Variants in FGFR1 observed in about 807,000 individuals in gnomAD.
FGFR1 encodes fibroblast growth factor receptor 1, also known as FGFR1/PLAG1 fusion.
A neutral mutation model predicts 93.7 loss-of-function variants in FGFR1; 18 were observed. That is an observed-to-expected ratio of 0.19 (90% CI 0.13 to 0.28). FGFR1 has a LOEUF of 0.28. Ranked by LOEUF, FGFR1 falls within the 10% of genes least tolerant of loss-of-function variation. The probability of loss-of-function intolerance (pLI) is 1.00; values close to 1 mark genes in which losing one functional copy is unlikely to be tolerated. For synonymous variants in FGFR1, 448 were observed against 429.3 expected, an observed-to-expected ratio of 1.04 and a Z score of -0.54; for missense variants, 731 against 1,080.4, an observed-to-expected ratio of 0.68 and a Z score of 4.53.
At position 38,468,398 on chromosome 8, in the gene FGFR1, G is replaced by A; in HGVS notation, c.-506C>T. On this transcript the variant is annotated 5_prime_UTR_variant, in exon 1 of 18. Coordinates refer to ENST00000447712, the MANE Select transcript of FGFR1 (RefSeq NM_023110.3). ...CGGGGCGCCCCGAGCTCGGACCGGA[G>A]AAAAGTCCTTGGGTTCCGCGGCTTT... 1 of 228,558 alleles carries A rather than the reference G, an allele frequency of 4.4e-6. No individual in the cohort carries two copies. Among genetic ancestry groups the A allele is most frequent in the Non-Finnish European group, 8.7e-6 (1 of 114,810 alleles). The allele number at this position is 228,558 out of a possible 1,614,324, so 14.2% of individuals were successfully genotyped here.
intron 2 of FGFR1, among the ~76,000 whole-genome samples, chr8:38,432,728 G>A (rs1586429206): frequency 1.3e-5 from 2 of 152,136 alleles, no homozygotes; most frequent in African/African-American, 4.8e-5. Context: ...CCCTGGGGCT[G>A]CAGCTCAGAC....
rs1819935194 is a variant in FGFR1, at chr8:38,424,324, T to C, written c.936+185A>G. On this transcript the variant is annotated intron_variant, in intron 7 of 17. Coordinates refer to ENST00000447712, the MANE Select transcript of FGFR1 (RefSeq NM_023110.3). This position sits in a 1 kb window ranked among gnomAD's most constrained non-coding sequence, Gnocchi z 4.3. ...CCTCTGTTCCCAGCTCACCTCCACT[T>C]TGTGACCTCTGTTACTAGTCCTGGG... 2 of 749,520 alleles carry C rather than the reference T, an allele frequency of 2.7e-6. No individual in the cohort carries two copies. The highest frequency in any genetic ancestry group is 1.7e-5 in the African/African-American group (1 of 57,816). 46.4% of individuals were successfully genotyped at this position (749,520 alleles called of 1,614,324 possible). A position where few individuals can be genotyped will look rare whatever the true frequency, so the allele number is the denominator to read the frequency against.
intron 2 of FGFR1, among the ~76,000 whole-genome samples, chr8:38,447,377 C>A (rs921073663): frequency 6.6e-6 from 1 of 152,156 alleles, no homozygotes; most frequent in Non-Finnish European, 1.5e-5. Flanking sequence ...GTTACTTAAC[C>A]CCTCAAACCT....
At position 38,411,950 on chromosome 8, in the gene FGFR1, T is replaced by A. The variant is rs928274860; in HGVS notation, c.*1678A>T. ...CAAGAAACGAAGCCAGGGACCTGAA[T>A]GCAAAACTAGCCTCAGGTGACATGT... On this transcript the variant is annotated 3_prime_UTR_variant, in exon 18 of 18. Transcript: ENST00000447712. The A allele has an allele frequency of 2.2e-5, 5 of 231,108 alleles. No individual in the cohort carries two copies. The highest frequency in any genetic ancestry group is 1.1e-4 in the African/African-American group (5 of 45,196). The allele number at this position is 231,108 out of a possible 1,614,324, so 14.3% of individuals were successfully genotyped here. A position where few individuals can be genotyped will look rare whatever the true frequency, so the allele number is the denominator to read the frequency against.
chr8:38,460,665 G>C (rs748528189), intron 1 of FGFR1, among the ~76,000 whole-genome samples: 28 of 152,070 alleles, frequency 1.8e-4, no homozygotes, highest in Admixed American at 5.2e-4. Flanking sequence ...CCTCAAGTTT[G>C]ACATCTGTAA....
intron 1 of FGFR1, among the ~76,000 whole-genome samples, chr8:38,467,440 G>T (rs1420363542): frequency 6.6e-6 from 1 of 152,134 alleles, no homozygotes; most frequent in African/African-American, 2.4e-5. Flanking sequence ...TTTCCCGGGG[G>T]TGGAAAAGGA....
At chr8:38,422,335 C>T (rs1261538982) in intron 7 of FGFR1, 6 of 436,646 alleles carry the variant, frequency 1.4e-5, no homozygotes, top group African/African-American at 9.8e-5. Flanking sequence ...CACACACATG[C>T]ACACGCATAC....
At position 38,446,055 on chromosome 8, in the gene FGFR1, GTGATAA is replaced by G. The variant is rs1432356748; in HGVS notation, c.91+11295_91+11300del. 2.0e-5 allele frequency among the ~76,000 whole-genome samples: 3 copies of G among 152,170 alleles called. No homozygotes were observed. The East Asian group carries it at 5.8e-4, about 29-fold the overall frequency. On this transcript the variant is annotated intron_variant, in intron 2 of 17. Coordinates refer to ENST00000447712, the MANE Select transcript of FGFR1 (RefSeq NM_023110.3). The stretch of plus-strand genomic sequence containing the variant: ...AGTGCTGATAAGCATTCTAAAGGCA[GTGATAA>G]TTGACTGAAAGCTGTGGCAGAGCAG...
At chr8:38,414,698 T>TG (rs1407896538) in intron 14 of FGFR1, 69 bp from the exon 15 acceptor site, 15 of 1,613,208 alleles carry the variant, frequency 9.3e-6, no homozygotes, top group African/African-American at 1.3e-5. Flanking sequence ...GGGAAGGGAC[T>TG]GGGGGGTGGG....
Position 38,457,341 on chromosome 8 carries a change from C to G in FGFR1, c.91+15G>C, listed in dbSNP as rs746109640. On this transcript the variant is annotated intron_variant, in intron 2 of 17. Transcript: ENST00000447712. ...AAGGCCCAGGAGTCCAGGCTGCCCCCAGCCAGCACCTTACCTTGTTCAGGC... is the reference window on the plus strand; with the variant it reads ...AAGGCCCAGGAGTCCAGGCTGCCCCGAGCCAGCACCTTACCTTGTTCAGGC... The G allele has an allele frequency of 6.2e-7, 1 of 1,611,042 alleles. No homozygotes were observed.
chr8:38,418,398 T>C lies in FGFR1; in HGVS notation c.1285-25A>G, dbSNP rs1174345881. The C allele has an allele frequency of 1.9e-6, 3 of 1,610,204 alleles. No homozygotes were observed. The South Asian group carries it at 3.3e-5, about 18-fold the overall frequency. On this transcript the variant is annotated intron_variant, in intron 9 of 17. Transcript: ENST00000447712. ...CCTGCAAGGAAGAGTGGGGTCACCC[T>C]AGAGCAAGGAGGGGGGACGGGGTGA...
At chr8:38,460,574 C>T (rs1026696732) in intron 1 of FGFR1, among the ~76,000 whole-genome samples, 8 of 152,204 alleles carry the variant, frequency 5.3e-5, no homozygotes, top group Non-Finnish European at 1.2e-4. Flanking sequence ...GGTCAATGCA[C>T]TTCAAATTCA....
intron 13 of FGFR1, 122 bp from the exon 14 acceptor site, chr8:38,415,023 C>T: frequency 2.7e-6 from 2 of 750,408 alleles, no homozygotes; most frequent in East Asian, 2.7e-5. Flanking sequence ...CTGCTCTGCC[C>T]CCCGAACCTT....
rs760482375 is a variant in FGFR1, at chr8:38,418,210, G to A, written c.1430+18C>T. 1.9e-6 allele frequency: 3 copies of A among 1,614,168 alleles called. No homozygotes were observed. The highest frequency in any genetic ancestry group is 2.2e-5 in the South Asian group (2 of 91,082). On this transcript the variant is annotated intron_variant, in intron 10 of 17. Transcript: ENST00000447712. ...GCAAGGAATGCCTTCAAAAAGTTGG[G>A]AGTCAAAGTATTATTACCTGTCCCG...
Position 38,431,384 on chromosome 8 carries a change from T to C in FGFR1, c.92-1436A>G, listed in dbSNP as rs75430642. Among the ~76,000 whole-genome samples the C allele has an allele frequency of 5.9e-3, 903 of 152,312 alleles. 16 individuals carry two copies. Among genetic ancestry groups the C allele is most frequent in the African/African-American group, 0.021 (852 of 41,558 alleles). On this transcript the variant is annotated intron_variant, in intron 2 of 17. Transcript: ENST00000447712. ...TGAACCTGAGTGCGGTGATGTGTCATCGGTACCTTTAAATCCCCAGCACCT... is the reference window on the plus strand; with the variant it reads ...TGAACCTGAGTGCGGTGATGTGTCACCGGTACCTTTAAATCCCCAGCACCT...
chr8:38,448,370 C>G (rs945556884), intron 2 of FGFR1, among the ~76,000 whole-genome samples: 1 of 151,096 alleles, frequency 6.6e-6, no homozygotes, highest in African/African-American at 2.4e-5. Flanking sequence ...ACTTCCGCCT[C>G]GCGGGTTCAA....
chr8:38,423,967 G>GCC (rs1819772798), intron 7 of FGFR1: 1 of 194,614 alleles, frequency 5.1e-6, no homozygotes, highest in East Asian at 1.3e-4. Context: ...CTGGATTAAT[G>GCC]GAGCATTCAG....
Position 38,424,312 on chromosome 8 carries a change from C to G in FGFR1, c.936+197G>C. On this transcript the variant is annotated intron_variant, in intron 7 of 17. Transcript: ENST00000447712. The surrounding 1 kb of genome is among the most constrained non-coding windows in gnomAD (Gnocchi z 4.3). The stretch of plus-strand genomic sequence containing the variant: ...CATCCCTGCAGCCCTCTGTTCCCAG[C>G]TCACCTCCACTTTGTGACCTCTGTT... 1.4e-6 allele frequency: 1 copy of G among 730,782 alleles called. No individual in the cohort carries two copies. Among genetic ancestry groups the G allele is most frequent in the Non-Finnish European group, 2.5e-6 (1 of 399,098 alleles). The allele number at this position is 730,782 out of a possible 1,614,324, so 45.3% of individuals were successfully genotyped here.
intron 2 of FGFR1, among the ~76,000 whole-genome samples, chr8:38,448,296 T>C: frequency 6.6e-6 from 1 of 151,904 alleles, no homozygotes; most frequent in Non-Finnish European, 1.5e-5. Context: ...TTTTTTTTTT[T>C]TGAGACGGAG....
Sources: gnomAD v4.1 joint callset for allele counts (sites outside exome capture counted in the v4.1 genomes callset) on GRCh38, gnomAD v4.1.1 for gene constraint, Gnocchi (gnomAD v3.1) non-coding constraint, MANE v1.5 for transcripts, NCBI Gene and HGNC (gene_info 2026-07-23, HGNC 2026-07-21) for gene names.